ARHGAP15: variants seen among roughly 807,000 people sequenced by gnomAD.
ARHGAP15 encodes the protein rho GTPase-activating protein 15.
ARHGAP15 carries 51 observed loss-of-function variants against 63.7 expected under a neutral mutation model. The observed-to-expected ratio is 0.80, with a 90% CI of 0.64 to 1.01. The LOEUF (loss-of-function observed/expected upper bound fraction) is 1.01, where lower values mean the gene tolerates loss of function less well. Among genes scored for constraint, ARHGAP15 ranks in the 50% least tolerant of loss-of-function variants. The pLI is 0.00. For synonymous variants in ARHGAP15, 191 were observed against 193.8 expected, an observed-to-expected ratio of 0.99 and a Z score of 0.12; for missense variants, 560 against 564.6, an observed-to-expected ratio of 0.99 and a Z score of 0.08.
intron 13 of ARHGAP15, among the ~76,000 whole-genome samples, chr2:143,738,108 T>TTTTTTTTTTTTTTTTTG (rs1553535485): frequency 6.6e-6 from 1 of 151,474 alleles, no homozygotes; most frequent in African/African-American, 2.5e-5. Context: ...ATATATTTTT[T>TTTTTTTTTTTTTTTTTG]AACTTGGGCT....
intron 6 of ARHGAP15, among the ~76,000 whole-genome samples, chr2:143,352,029 G>T (rs540599850): frequency 3.2e-4 from 48 of 152,150 alleles, no homozygotes; most frequent in Middle Eastern, 3.4e-3. Context: ...CATTCATCAA[G>T]AATTAAGACA....
chr2:143,668,027 T>G (rs1682318269), intron 12 of ARHGAP15, among the ~76,000 whole-genome samples: 1 of 151,624 alleles, frequency 6.6e-6, no homozygotes, highest in Admixed American at 6.6e-5. Context: ...TAAAAATACA[T>G]ATTTTTAAAA....
intron 2 of ARHGAP15, among the ~76,000 whole-genome samples, chr2:143,183,834 C>A (rs1477299350): frequency 6.6e-6 from 1 of 151,664 alleles, no homozygotes; most frequent in Non-Finnish European, 1.5e-5. Context: ...AAAGTTGGAA[C>A]CTCATGAAAA....
At chr2:143,546,755 G>A (rs78172729) in intron 10 of ARHGAP15, among the ~76,000 whole-genome samples, 3,268 of 152,194 alleles carry the variant, frequency 0.021, 121 homozygotes, top group African/African-American at 0.074. Context: ...CAGCGTAACA[G>A]TAGAACTACA....
At position 143,228,493 on chromosome 2, in the gene ARHGAP15, A is replaced by G. The variant is rs1000947007; in HGVS notation, c.297-88A>G. On this transcript the variant is annotated intron_variant, in intron 4 of 13. Coordinates refer to ENST00000295095, the MANE Select transcript of ARHGAP15 (RefSeq NM_018460.4). ...ACTGTTAAAAATAAAGATGGTCTCT[A>G]CTCATTCCAAATGTTGCTCATACTG... is the stretch of plus-strand genomic sequence containing the variant. The G allele has an allele frequency of 2.6e-5, 20 of 769,584 alleles. No homozygotes were observed. In the African/African-American group the frequency reaches 3.2e-4, roughly 12 times the overall value. The allele number at this position is 769,584 out of a possible 1,614,324, so 47.7% of individuals were successfully genotyped here. A position where few individuals can be genotyped will look rare whatever the true frequency, so the allele number is the denominator to read the frequency against.
At chr2:143,134,831 G>A (rs1447712624) in intron 1 of ARHGAP15, among the ~76,000 whole-genome samples, 1 of 151,980 alleles carries the variant, frequency 6.6e-6, no homozygotes, top group Non-Finnish European at 1.5e-5. Flanking sequence ...TAGAGTCGGG[G>A]TTTCACGGTG....
chr2:143,400,242 A>C (rs1687934336), intron 6 of ARHGAP15, among the ~76,000 whole-genome samples: 1 of 152,080 alleles, frequency 6.6e-6, no homozygotes, highest in Non-Finnish European at 1.5e-5. Flanking sequence ...ATTTTATCAT[A>C]TTTTAAGGAA....
At chr2:143,755,965 CA>C (rs372717172) in intron 13 of ARHGAP15, among the ~76,000 whole-genome samples, 22 of 142,234 alleles carry the variant, frequency 1.5e-4, no homozygotes, top group East Asian at 2.0e-4. Flanking sequence ...GACTCCATCT[CA>C]AAAAAAAAAA....
At chr2:143,590,942 G>GCT (rs146715937) in intron 11 of ARHGAP15, among the ~76,000 whole-genome samples, 69,382 of 150,438 alleles carry the variant, frequency 0.46, 16,169 homozygotes, top group Non-Finnish European at 0.51. Context: ...ATGTATCTTT[G>GCT]CTCTCTCTCT....
intron 6 of ARHGAP15, among the ~76,000 whole-genome samples, chr2:143,352,216 C>T (rs369872841): frequency 6.6e-5 from 10 of 151,884 alleles, no homozygotes; most frequent in South Asian, 4.1e-4. Context: ...ATATATTTTC[C>T]GGGGAAATTT....
At chr2:143,744,079 C>T (rs932038881) in intron 13 of ARHGAP15, among the ~76,000 whole-genome samples, 3 of 152,160 alleles carry the variant, frequency 2.0e-5, no homozygotes, top group African/African-American at 7.2e-5. Context: ...TTATAGCTAA[C>T]TCACAATTAT....
chr2:143,155,842 G>A (rs1690058177), intron 2 of ARHGAP15, among the ~76,000 whole-genome samples, 187 bp downstream of exon 2: 1 of 151,868 alleles, frequency 6.6e-6, no homozygotes, highest in African/African-American at 2.4e-5. Context: ...GAAGAGCTGG[G>A]CTTAATCCAG....
chr2:143,607,198 A>G (rs1018465605), intron 11 of ARHGAP15, among the ~76,000 whole-genome samples: 8 of 152,178 alleles, frequency 5.3e-5, no homozygotes, highest in African/African-American at 2.4e-5. Flanking sequence ...CCAAAATTCT[A>G]TGATGTTTCA....
chr2:143,349,237 G>A (rs368579571), intron 6 of ARHGAP15, among the ~76,000 whole-genome samples: 3 of 152,134 alleles, frequency 2.0e-5, no homozygotes, highest in African/African-American at 7.2e-5. Context: ...AATTTAGATC[G>A]ATTTGAGTGA....
chr2:143,300,602 C>CT (rs1207416436), intron 6 of ARHGAP15, among the ~76,000 whole-genome samples: 2 of 152,018 alleles, frequency 1.3e-5, no homozygotes, highest in African/African-American at 4.8e-5. Flanking sequence ...TTCAGGGACC[C>CT]TGGTACCTTG....
In ARHGAP15 at chr2:143,753,397, G is replaced by C. The variant is rs543096188; in HGVS notation, c.1245-14592G>C. Among the ~76,000 whole-genome samples, 48 of 152,226 alleles carry C rather than the reference G, an allele frequency of 3.2e-4. 1 individual carries two copies. In the South Asian group the frequency reaches 9.1e-3, roughly 29 times the overall value. Reference sequence around the variant, plus strand: ...CAGACTAAGAGCCTTCTGTTATAAAGCTTAATATAATGCTTGATAGTGGTC... The same window carrying C: ...CAGACTAAGAGCCTTCTGTTATAAACCTTAATATAATGCTTGATAGTGGTC... On this transcript the variant is annotated intron_variant, in intron 13 of 13. Transcript: ENST00000295095.
chr2:143,337,174 A>G (rs946759091), intron 6 of ARHGAP15, among the ~76,000 whole-genome samples: 1 of 152,104 alleles, frequency 6.6e-6, no homozygotes, highest in Non-Finnish European at 1.5e-5. Flanking sequence ...GAGTGAAGAG[A>G]GTGTGCAAAA....
chr2:143,592,919 T>C (rs1697376432), intron 11 of ARHGAP15, among the ~76,000 whole-genome samples: 1 of 152,200 alleles, frequency 6.6e-6, no homozygotes, highest in African/African-American at 2.4e-5. Flanking sequence ...TTGACTTTTC[T>C]CTCTATTTAT....
At chr2:143,573,248 G>A (rs1187489998) in intron 11 of ARHGAP15, among the ~76,000 whole-genome samples, 1 of 152,146 alleles carries the variant, frequency 6.6e-6, no homozygotes, top group East Asian at 1.9e-4. Context: ...AAATAAAATG[G>A]TTGAAATAAG....
Sources: gnomAD v4.1 joint callset for allele counts (sites outside exome capture counted in the v4.1 genomes callset) on GRCh38, gnomAD v4.1.1 for gene constraint, MANE v1.5 for transcripts, NCBI Gene and HGNC (gene_info 2026-07-23, HGNC 2026-07-21) for gene names.